The following GRIK2 variants were observed in gnomAD, a reference collection of about 807,000 sequenced individuals.
GRIK2 encodes the protein glutamate ionotropic receptor kainate type subunit 2.
A neutral mutation model predicts 100.3 loss-of-function variants in GRIK2; 32 were observed. The observed-to-expected ratio is 0.32, with a 90% CI of 0.24 to 0.43. GRIK2 has a LOEUF of 0.43. Among genes scored for constraint, GRIK2 ranks in the 20% least tolerant of loss-of-function variants. The pLI is 1.00. For synonymous variants in GRIK2, 417 were observed against 389.4 expected (o/e 1.07, Z -0.83); for missense variants, 843 against 1,114.9 (o/e 0.76, Z 3.47).
chr6:101,436,425 A>G (rs1271483575), intron 2 of GRIK2, among the ~76,000 whole-genome samples: 1 of 152,022 alleles, frequency 6.6e-6, no homozygotes, highest in Non-Finnish European at 1.5e-5. Context: ...TTTAGCTGCA[A>G]GGCTGTGTAC....
At chr6:101,943,009 A>G (rs946281903) in intron 14 of GRIK2, among the ~76,000 whole-genome samples, 4 of 152,232 alleles carry the variant, frequency 2.6e-5, no homozygotes, top group Admixed American at 2.6e-4. Flanking sequence ...GCAGGCCTAG[A>G]GGCCTAGGAG....
chr6:101,957,148 A>T (rs2128481055), intron 14 of GRIK2, among the ~76,000 whole-genome samples: 1 of 151,992 alleles, frequency 6.6e-6, no homozygotes, highest in South Asian at 2.1e-4. Flanking sequence ...TAAATGTGCT[A>T]CAACATGTGT....
chr6:101,454,766 C>A (rs752934254), intron 2 of GRIK2, among the ~76,000 whole-genome samples: 4 of 152,054 alleles, frequency 2.6e-5, no homozygotes, highest in Admixed American at 2.6e-4. Flanking sequence ...AGGCATAAAT[C>A]TTACTGGGGA....
At chr6:101,799,277 TTGTGTGTGTGTGTG>T (rs58920833) in intron 7 of GRIK2, among the ~76,000 whole-genome samples, 1 of 146,540 alleles carries the variant, frequency 6.8e-6, no homozygotes, top group African/African-American at 2.5e-5. Flanking sequence ...AATGTACTCA[TTGTGTGTGTGTGTG>T]TGTGTGTGTG....
rs116215745 is a variant in GRIK2 at position 101,806,111 on chromosome 6, G to C, written c.1203+3673G>C. Among the ~76,000 whole-genome samples, 1,005 of 152,142 alleles carry C rather than the reference G, an allele frequency of 6.6e-3. 12 individuals are homozygous for C. Among genetic ancestry groups the C allele is most frequent in the African/African-American group, 0.023 (961 of 41,536 alleles). On this transcript the variant is annotated intron_variant, in intron 9 of 16. Transcript: ENST00000369134. Reference sequence around the variant, plus strand: ...ACTTCTGTGCAAACAAGCTCTCTGGGACCATGGCAGTGCCTTCAATGGAGG... The same window carrying C: ...ACTTCTGTGCAAACAAGCTCTCTGGCACCATGGCAGTGCCTTCAATGGAGG...
At chr6:101,408,555 G>A (rs1462615938) in intron 2 of GRIK2, among the ~76,000 whole-genome samples, 6 of 151,968 alleles carry the variant, frequency 3.9e-5, no homozygotes, top group Non-Finnish European at 7.4e-5. Flanking sequence ...AAGATTCAGT[G>A]TTTCATTTTG....
chr6:101,403,410 TG>T (rs1775430224), intron 2 of GRIK2, among the ~76,000 whole-genome samples: 1 of 152,180 alleles, frequency 6.6e-6, no homozygotes, highest in South Asian at 2.1e-4. Context: ...CCAGACGCGC[TG>T]GGGTCTCTTT....
intron 7 of GRIK2, among the ~76,000 whole-genome samples, chr6:101,688,080 A>G (rs1771836154): frequency 6.8e-6 from 1 of 146,370 alleles, no homozygotes; most frequent in Non-Finnish European, 1.5e-5. Flanking sequence ...AATATTTATT[A>G]TATAAAAATA....
chr6:101,653,870 C>G (rs1455526185), intron 4 of GRIK2, among the ~76,000 whole-genome samples: 1 of 152,124 alleles, frequency 6.6e-6, no homozygotes, highest in Admixed American at 6.5e-5. Context: ...AACCACCTGC[C>G]TCGGCCTTTC....
intron 2 of GRIK2, among the ~76,000 whole-genome samples, chr6:101,560,419 T>C (rs896236938): frequency 6.6e-6 from 1 of 152,096 alleles, no homozygotes; most frequent in African/African-American, 2.4e-5. Flanking sequence ...CTTAAGTATA[T>C]TCAGTCTTAA....
chr6:101,946,000 C>A (rs1349209510), intron 14 of GRIK2, among the ~76,000 whole-genome samples: 2 of 147,382 alleles, frequency 1.4e-5, no homozygotes, highest in Non-Finnish European at 3.0e-5. Context: ...AATCTTTAAT[C>A]ATGTTTATGA....
intron 4 of GRIK2, among the ~76,000 whole-genome samples, chr6:101,657,639 G>A (rs1204542352): frequency 6.6e-6 from 1 of 152,098 alleles, no homozygotes; most frequent in Non-Finnish European, 1.5e-5. Context: ...TTAATGGATT[G>A]AATTTCTCCT....
At chr6:101,799,178 T>G (rs1780511099) in intron 7 of GRIK2, among the ~76,000 whole-genome samples, 1 of 152,140 alleles carries the variant, frequency 6.6e-6, no homozygotes, top group Admixed American at 6.6e-5. Flanking sequence ...TAAGTCTCCC[T>G]TAAAATCTTG....
chr6:101,581,790 G>T (rs982469132), intron 2 of GRIK2, among the ~76,000 whole-genome samples: 2 of 152,102 alleles, frequency 1.3e-5, no homozygotes, highest in African/African-American at 4.8e-5. Flanking sequence ...TAAATAAAAT[G>T]TTAGAAGTAA....
At position 102,060,649 on chromosome 6, in the gene GRIK2, G is replaced by T. The variant is rs143448505; in HGVS notation, c.2562+5069G>T. 5.8e-3 allele frequency among the ~76,000 whole-genome samples: 881 copies of T among 150,652 alleles called. 10 individuals are homozygous for T. The highest frequency in any genetic ancestry group is 0.02 in the African/African-American group (838 of 41,378). ...TATAAATTATCAGTAAAAATGTTAT[G>T]TCAATATTTATGTTTTGCCCAGTAA... On this transcript the variant is annotated intron_variant, in intron 16 of 16. Transcript: ENST00000369134.
intron 2 of GRIK2, among the ~76,000 whole-genome samples, chr6:101,608,985 CTG>C (rs1330424822): frequency 6.6e-6 from 1 of 151,784 alleles, no homozygotes; most frequent in African/African-American, 2.4e-5. Context: ...TGTCACACCA[CTG>C]TATTTTTTTC....
chr6:102,018,154 GGAA>G (rs1347722884), intron 14 of GRIK2, among the ~76,000 whole-genome samples: 2 of 152,030 alleles, frequency 1.3e-5, no homozygotes, highest in Non-Finnish European at 2.9e-5. Flanking sequence ...TAATGTAGTG[GGAA>G]GATATAAGGG....
At chr6:101,708,647 C>G (rs7752976) in intron 7 of GRIK2, among the ~76,000 whole-genome samples, 112,823 of 151,592 alleles carry the variant, frequency 0.74, 44,085 homozygotes, top group South Asian at 0.9. Context: ...TAAGAAGAAT[C>G]TGTTTTTATA....
At chr6:101,416,015 T>G (rs1776124697) in intron 2 of GRIK2, among the ~76,000 whole-genome samples, 1 of 152,242 alleles carries the variant, frequency 6.6e-6, no homozygotes, top group African/African-American at 2.4e-5. Flanking sequence ...AATCAATCAT[T>G]TAATTAATTT....
Sources: gnomAD v4.1 joint callset for allele counts (sites outside exome capture counted in the v4.1 genomes callset) on GRCh38, gnomAD v4.1.1 for gene constraint, MANE v1.5 for transcripts, NCBI Gene and HGNC (gene_info 2026-07-23, HGNC 2026-07-21) for gene names.